The following JAKMIP2 variants were observed in gnomAD, a reference collection of about 807,000 sequenced individuals.
JAKMIP2 encodes the protein janus kinase and microtubule interacting protein 2, also known as janus kinase and microtubule-interacting protein 2.
Under a neutral mutation model 115.0 loss-of-function variants are expected in JAKMIP2, and 25 were observed. The ratio of observed to expected loss-of-function variants is 0.22; its 90% CI spans 0.16 to 0.30. The LOEUF (loss-of-function observed/expected upper bound fraction) is 0.30. Ranked by LOEUF, JAKMIP2 falls within the 10% of genes least tolerant of loss-of-function variation. JAKMIP2 has a pLI of 1.00. For missense variants in JAKMIP2, 642 were observed against 957.6 expected (o/e 0.67, Z 4.35); for synonymous variants, 334 against 343.6 (o/e 0.97, Z 0.31).
chr5:147,626,095 T>C (rs1490501433), intron 16 of JAKMIP2, among the ~76,000 whole-genome samples: 1 of 152,204 alleles, frequency 6.6e-6, no homozygotes, highest in African/African-American at 2.4e-5. Flanking sequence ...CTATTCAAAT[T>C]GGTAGTCTCA....
rs1228241945 is a variant in JAKMIP2, at chr5:147,661,013, G to T, written c.562C>A (p.His188Asn). ...GAGATGGCTTCTTGGTGGGACTGAT[G>T]CTCACTCCGAAGGTCCCCAGCCTTG... ...KIKAGDLRSE[H>N]QSHQEAISKI... Residue 188 changes from histidine (H) to asparagine (N), a missense_variant, in exon 3 of 22, where the codon CAT becomes AAT. By Grantham distance (68) the His-to-Asn change is moderately conservative (BLOSUM62 1). This residue lies in a region of JAKMIP2 where 439 missense variants were observed against 570.9 expected (regional missense o/e 0.77). Transcript: ENST00000616793. 1 of 1,613,990 alleles carries T rather than the reference G, an allele frequency of 6.2e-7. No individual in the cohort carries two copies.
intron 8 of JAKMIP2, 147 bp from the exon 9 acceptor site, chr5:147,640,970 T>A (rs911909302): frequency 2.0e-5 from 12 of 610,504 alleles, no homozygotes; most frequent in Non-Finnish European, 2.9e-5. Flanking sequence ...ACATTAGGCA[T>A]GAGCATAATT....
At chr5:147,596,574 A>G (rs1440148387) in intron 21 of JAKMIP2, among the ~76,000 whole-genome samples, 1 of 152,168 alleles carries the variant, frequency 6.6e-6, no homozygotes, top group Non-Finnish European at 1.5e-5. Flanking sequence ...TCATTTTCCC[A>G]GCTATTCATT....
At chr5:147,602,741 C>G (rs1755770823) in intron 20 of JAKMIP2, among the ~76,000 whole-genome samples, 1 of 152,102 alleles carries the variant, frequency 6.6e-6, no homozygotes, top group Admixed American at 6.6e-5. Flanking sequence ...CAGAGTAAGT[C>G]TTTTACTTGA....
intron 21 of JAKMIP2, chr5:147,595,626 A>G (rs1046973418): frequency 9.2e-6 from 4 of 432,682 alleles, no homozygotes; most frequent in Non-Finnish European, 1.9e-5. Context: ...ACAGAGAGTT[A>G]TAATGGTCTC....
Position 147,639,209 on chromosome 5 carries a change from G to A in JAKMIP2, c.1530+423C>T, listed in dbSNP as rs76363743. 4.3e-3 allele frequency among the ~76,000 whole-genome samples: 651 copies of A among 152,266 alleles called. 2 individuals carry two copies. The highest frequency in any genetic ancestry group is 7.3e-3 in the Non-Finnish European group (496 of 68,016). On this transcript the variant is annotated intron_variant, in intron 10 of 21. Transcript: ENST00000616793. ...TAGGGGACTGTCTCAAGGGTTAAAT[G>A]AGATAGTGTCTGTGAAAATTCTGGT... is the stretch of plus-strand genomic sequence containing the variant.
chr5:147,767,769 G>A (rs74437668), intron 1 of JAKMIP2, among the ~76,000 whole-genome samples: 2,648 of 151,932 alleles, frequency 0.017, 97 homozygotes, highest in African/African-American at 0.061. Context: ...GGTTCAAATT[G>A]GAAAAAAATC....
At position 147,658,188 on chromosome 5, in the gene JAKMIP2, G is replaced by A. The variant is rs1163169115; in HGVS notation, c.627+2760C>T. ...CTTTGGATGGGGTTTTTGTGGGAGGGTCTTTTGTTGATGTTGTTGTTGCTG... is the reference window on the plus strand; with the variant it reads ...CTTTGGATGGGGTTTTTGTGGGAGGATCTTTTGTTGATGTTGTTGTTGCTG... On this transcript the variant is annotated intron_variant, in intron 3 of 21. Coordinates refer to ENST00000616793, the MANE Select transcript of JAKMIP2 (RefSeq NM_001270941.2). Among the ~76,000 whole-genome samples the A allele has an allele frequency of 8.5e-5, 13 of 152,110 alleles. 1 individual carries two copies. Among genetic ancestry groups the A allele is most frequent in the Non-Finnish European group, 1.9e-4 (13 of 68,006 alleles).
At chr5:147,743,593 C>T (rs1022354225) in intron 1 of JAKMIP2, among the ~76,000 whole-genome samples, 2 of 152,178 alleles carry the variant, frequency 1.3e-5, no homozygotes, top group African/African-American at 4.8e-5. Flanking sequence ...CACAGATAGG[C>T]TGCTTGATTG....
At chr5:147,761,766 C>T (rs1208281117) in intron 1 of JAKMIP2, among the ~76,000 whole-genome samples, 3 of 151,786 alleles carry the variant, frequency 2.0e-5, no homozygotes, top group Non-Finnish European at 4.4e-5. Flanking sequence ...CTCAAAAATG[C>T]TAAATAAATA....
intron 1 of JAKMIP2, among the ~76,000 whole-genome samples, chr5:147,771,449 A>C (rs1301368882): frequency 6.6e-6 from 1 of 152,130 alleles, no homozygotes; most frequent in Non-Finnish European, 1.5e-5. Flanking sequence ...AATATCAAAT[A>C]TGTTTTGAAA....
chr5:147,702,078 G>A (rs1044865862), intron 1 of JAKMIP2, among the ~76,000 whole-genome samples: 2 of 152,100 alleles, frequency 1.3e-5, no homozygotes, highest in Non-Finnish European at 2.9e-5. Flanking sequence ...CACAAAAGTC[G>A]AAACATGATC....
At chr5:147,764,941 A>G (rs996467062) in intron 1 of JAKMIP2, among the ~76,000 whole-genome samples, 3 of 93,348 alleles carry the variant, frequency 3.2e-5, no homozygotes, top group Non-Finnish European at 6.1e-5. Flanking sequence ...AGAGAGAGAG[A>G]GAGAGGGAGA....
intron 21 of JAKMIP2, among the ~76,000 whole-genome samples, chr5:147,599,877 T>C (rs746408790): frequency 6.6e-6 from 1 of 152,074 alleles, no homozygotes; most frequent in Admixed American, 6.6e-5. Context: ...GCAATACCTA[T>C]CCCACAGGGG....
At chr5:147,711,015 A>C (rs1752757998) in intron 1 of JAKMIP2, among the ~76,000 whole-genome samples, 1 of 152,230 alleles carries the variant, frequency 6.6e-6, no homozygotes, top group Non-Finnish European at 1.5e-5. Context: ...AACATTATTT[A>C]CTATTGTTGA....
intron 1 of JAKMIP2, among the ~76,000 whole-genome samples, chr5:147,751,232 C>T (rs1754541810): frequency 6.6e-6 from 1 of 150,740 alleles, no homozygotes; most frequent in Non-Finnish European, 1.5e-5. Flanking sequence ...CCGCCAGGCC[C>T]GGCTAAGTTG....
At chr5:147,726,056 C>A (rs760752134) in intron 1 of JAKMIP2, among the ~76,000 whole-genome samples, 3 of 152,096 alleles carry the variant, frequency 2.0e-5, no homozygotes, top group Non-Finnish European at 4.4e-5. Flanking sequence ...CCTTGCCTTC[C>A]CCACCCTGCC....
chr5:147,592,688 C>T (rs1383103040), intron 21 of JAKMIP2, among the ~76,000 whole-genome samples: 1 of 152,178 alleles, frequency 6.6e-6, no homozygotes, highest in African/African-American at 2.4e-5. Flanking sequence ...TTTAACTTCT[C>T]TAAGCCTCAA....
At chr5:147,734,816 C>A (rs1753860922) in intron 1 of JAKMIP2, among the ~76,000 whole-genome samples, 1 of 152,128 alleles carries the variant, frequency 6.6e-6, no homozygotes, top group African/African-American at 2.4e-5. Context: ...GTAAGATTTA[C>A]AAACTACACG....
Sources: gnomAD v4.1 joint callset for allele counts (sites outside exome capture counted in the v4.1 genomes callset) on GRCh38, gnomAD v4.1.1 for gene constraint, gnomAD v4.1.1 regional missense constraint, MANE v1.5 for transcripts, NCBI Gene and HGNC (gene_info 2026-07-23, HGNC 2026-07-21) for gene names.